Variants in TENM2 observed in about 807,000 individuals in gnomAD.
TENM2 encodes teneurin-2.
TENM2 carries 52 observed loss-of-function variants against 245.2 expected under a neutral mutation model. That is an observed-to-expected ratio of 0.21 (90% CI 0.17 to 0.27). The LOEUF (loss-of-function observed/expected upper bound fraction) is 0.27. TENM2 is among the 10% of genes least tolerant of loss of function. The probability of loss-of-function intolerance (pLI) is 1.00; values close to 1 mark genes in which losing one functional copy is unlikely to be tolerated. For missense variants in TENM2, 3,046 were observed against 3,666.8 expected (o/e 0.83, Z 4.37); for synonymous variants, 1,363 against 1,438.9 (o/e 0.95, Z 1.19).
chr5:167,070,778 A>G, the TENM2 span, among the ~76,000 whole-genome samples: 1 of 152,092 alleles, frequency 6.6e-6, no homozygotes, highest in Non-Finnish European at 1.5e-5. Flanking sequence ...CTTACACTGT[A>G]CCCAGTGTAC....
intron 4 of TENM2, among the ~76,000 whole-genome samples, chr5:167,986,588 C>A (rs1435896640): frequency 2.6e-5 from 4 of 152,218 alleles, no homozygotes; most frequent in African/African-American, 9.6e-5. Flanking sequence ...GGGGGCCCCT[C>A]ATTTGCCTTT....
chr5:167,058,546 G>T, the TENM2 span, among the ~76,000 whole-genome samples: 1 of 152,144 alleles, frequency 6.6e-6, no homozygotes, highest in African/African-American at 2.4e-5. Flanking sequence ...ATCACTTGAA[G>T]CCAGGAATTT....
chr5:167,448,965 T>C lies in TENM2; in HGVS notation c.502+73492T>C, dbSNP rs149115762. Reference sequence around the variant, plus strand: ...AGATACTTTACTTTCATATGTGTCCTTACTGTTTTTAACCTATAAAGGAAT... The same window carrying C: ...AGATACTTTACTTTCATATGTGTCCCTACTGTTTTTAACCTATAAAGGAAT... On this transcript the variant is annotated intron_variant, in intron 2 of 28. Coordinates refer to ENST00000518659, the Ensembl canonical transcript of TENM2. 2.3e-3 allele frequency among the ~76,000 whole-genome samples: 343 copies of C among 152,276 alleles called. 5 individuals carry two copies. In the East Asian group the frequency reaches 0.037, roughly 17 times the overall value.
chr5:167,074,307 C>A, the TENM2 span, among the ~76,000 whole-genome samples: 2 of 151,606 alleles, frequency 1.3e-5, no homozygotes, highest in Non-Finnish European at 2.9e-5. Context: ...TTTTTTAATT[C>A]TTGATTTCTA....
At chr5:168,076,638 C>T (rs3101761) in intron 7 of TENM2, among the ~76,000 whole-genome samples, 2 of 152,110 alleles carry the variant, frequency 1.3e-5, no homozygotes, top group Non-Finnish European at 2.9e-5. Flanking sequence ...CTGCTGTATC[C>T]CCAGTACACA....
chr5:167,676,942 C>A lies in TENM2; in HGVS notation c.503-199044C>A, dbSNP rs112661791. Among the ~76,000 whole-genome samples the A allele has an allele frequency of 2.3e-3, 343 of 152,162 alleles. 2 individuals carry two copies. The highest frequency in any genetic ancestry group is 7.5e-3 in the African/African-American group (310 of 41,544). ...ATGAGGACAGTGCACCTGAAAATGA[C>A]CTCCTGAAGTCAGCTGCTGTCTATA... On this transcript the variant is annotated intron_variant, in intron 2 of 28. Coordinates refer to ENST00000518659, the Ensembl canonical transcript of TENM2.
chr5:167,311,498 C>G (rs1444654588), intron 1 of TENM2, among the ~76,000 whole-genome samples: 1 of 152,114 alleles, frequency 6.6e-6, no homozygotes, highest in Non-Finnish European at 1.5e-5. Context: ...AATTGTTCTT[C>G]TGGAATATGA....
the TENM2 span, among the ~76,000 whole-genome samples, chr5:167,231,472 G>A: frequency 6.6e-6 from 1 of 152,196 alleles, no homozygotes; most frequent in Non-Finnish European, 1.5e-5. Flanking sequence ...TTAGCAAGGA[G>A]ACTAGCAGCA....
chr5:167,844,852 A>AG (rs1454807480), intron 2 of TENM2, among the ~76,000 whole-genome samples: 1 of 151,334 alleles, frequency 6.6e-6, no homozygotes, highest in African/African-American at 2.4e-5. Context: ...TGGCCAAAAA[A>AG]AAAAAAAAAA....
At chr5:168,144,016 ATT>A (rs35008835) in intron 12 of TENM2, among the ~76,000 whole-genome samples, 166 of 142,524 alleles carry the variant, frequency 1.2e-3, no homozygotes, top group East Asian at 1.5e-3. Context: ...TGCCCAGCTA[ATT>A]TTTTTTTTTT....
In TENM2 at chr5:167,542,255, A is replaced by C. The variant is rs571877203; in HGVS notation, c.502+166782A>C. On this transcript the variant is annotated intron_variant, in intron 2 of 28. Transcript: ENST00000518659. ...AAAAAATGCCATAAGTCAGTCACTA[A>C]GAAGGCGCTTTGTATTGAAGAGAAG... is the stretch of plus-strand genomic sequence containing the variant. Among the ~76,000 whole-genome samples the C allele has an allele frequency of 5.3e-5, 8 of 152,332 alleles. 1 individual carries two copies. In the South Asian group the frequency reaches 1.7e-3, roughly 32 times the overall value.
intron 2 of TENM2, among the ~76,000 whole-genome samples, chr5:167,566,591 C>G (rs1032439167): frequency 2.6e-5 from 4 of 152,150 alleles, no homozygotes; most frequent in African/African-American, 9.7e-5. Context: ...AAAATAAAAC[C>G]TGTAGCAGTG....
intron 5 of TENM2, among the ~76,000 whole-genome samples, chr5:168,003,430 A>G (rs1784569862): frequency 6.6e-6 from 1 of 152,128 alleles, no homozygotes; most frequent in Admixed American, 6.6e-5. Flanking sequence ...AATTAAGTCA[A>G]GAAGTAAGAA....
intron 3 of TENM2, among the ~76,000 whole-genome samples, chr5:167,926,527 C>G (rs1164705532): frequency 1.3e-5 from 2 of 152,104 alleles, no homozygotes; most frequent in East Asian, 3.9e-4. Flanking sequence ...CGAGACCAGC[C>G]TGGCCAACAT....
At position 167,550,680 on chromosome 5, in the gene TENM2, CT is replaced by C. The variant is rs892119203; in HGVS notation, c.502+175216del. On this transcript the variant is annotated intron_variant, in intron 2 of 28. Coordinates refer to ENST00000518659, the Ensembl canonical transcript of TENM2. ...GCTAGAGTACTTTCTACACAATTAC[CT>C]TTTTTTTTGTTGTTGTTAGTGTGTG... is the stretch of plus-strand genomic sequence containing the variant. 7.6e-4 allele frequency among the ~76,000 whole-genome samples: 102 copies of C among 133,824 alleles called. 1 individual carries two copies. The highest frequency in any genetic ancestry group is 1.2e-3 in the Non-Finnish European group (74 of 63,916). 87.8% of individuals were successfully genotyped at this position (133,824 alleles called of 152,430 possible). A position where few individuals can be genotyped will look rare whatever the true frequency, so the allele number is the denominator to read the frequency against.
At chr5:167,184,811 T>C in the TENM2 span, among the ~76,000 whole-genome samples, 1 of 152,156 alleles carries the variant, frequency 6.6e-6, no homozygotes, top group South Asian at 2.1e-4. Flanking sequence ...CAGTTGGGTG[T>C]AAAGGTGTAG....
At chr5:167,305,793 C>G (rs1755641730) in intron 1 of TENM2, among the ~76,000 whole-genome samples, 1 of 152,114 alleles carries the variant, frequency 6.6e-6, no homozygotes, top group Non-Finnish European at 1.5e-5. Context: ...AACAATAATG[C>G]CCTGCATTGA....
intron 2 of TENM2, among the ~76,000 whole-genome samples, chr5:167,438,755 G>A (rs182053892): frequency 2.6e-5 from 4 of 151,954 alleles, no homozygotes; most frequent in Admixed American, 1.3e-4. Flanking sequence ...ATCATGTCAG[G>A]TACTGCTATG....
intron 2 of TENM2, among the ~76,000 whole-genome samples, chr5:167,630,269 A>G (rs904658994): frequency 6.6e-6 from 1 of 152,052 alleles, no homozygotes; most frequent in African/African-American, 2.4e-5. Context: ...CAGGTAGAAT[A>G]GGGTTACCTG....
Sources: gnomAD v4.1 joint callset for allele counts (sites outside exome capture counted in the v4.1 genomes callset) on GRCh38, gnomAD v4.1.1 for gene constraint, MANE v1.5 for transcripts, NCBI Gene and HGNC (gene_info 2026-07-23, HGNC 2026-07-21) for gene names.